PXDN: variants seen among roughly 807,000 people sequenced by gnomAD.
The protein encoded by PXDN is peroxidasin homolog.
In PXDN, 77 loss-of-function variants were observed where a neutral mutation model predicts 140.3. The ratio of observed to expected loss-of-function variants is 0.55; its 90% confidence interval spans 0.46 to 0.66. PXDN has a LOEUF of 0.66. PXDN is among the 30% of genes least tolerant of loss of function. The pLI, the probability that PXDN is intolerant of heterozygous loss-of-function variation, is 0.00. For synonymous variants in PXDN, 911 were observed against 857.4 expected (o/e 1.06, Z -1.09); for missense variants, 1,838 against 2,039.5 (o/e 0.90, Z 1.90).
intron 14 of PXDN, among the ~76,000 whole-genome samples, chr2:1,658,567 C>T (rs1683224753): frequency 6.6e-6 from 1 of 152,120 alleles, no homozygotes; most frequent in Non-Finnish European, 1.5e-5. Flanking sequence ...CCCCACTATC[C>T]TCCCCGACAC....
rs1239168327 is a variant in PXDN at position 1,743,791 on chromosome 2, G to A, written c.200+465C>T. 7.7e-4 allele frequency among the ~76,000 whole-genome samples: 113 copies of A among 146,370 alleles called. 1 individual carries two copies. Among genetic ancestry groups the A allele is most frequent in the Middle Eastern group, 3.6e-3 (1 of 278 alleles). The stretch of plus-strand genomic sequence containing the variant: ...CGGGGCGGAGGGGGCTGGGAGGACG[G>A]AGGGGGCTGCGCCGCGCTCGGGGAG... On this transcript the variant is annotated intron_variant, in intron 1 of 22. Transcript: ENST00000252804.
rs1016960039 is a variant in PXDN at position 1,701,657 on chromosome 2, G to C, written c.201-8523C>G. ...GGGGTCAGGGGTGTCCAGCTGCCTG[G>C]GTCCAGTGGTAGTGCTCATGGCTCC... On this transcript the variant is annotated intron_variant, in intron 1 of 22. Coordinates refer to ENST00000252804, the MANE Select transcript of PXDN (RefSeq NM_012293.3). Among the ~76,000 whole-genome samples, 4 of 152,148 alleles carry C rather than the reference G, an allele frequency of 2.6e-5. No homozygotes were observed. In the East Asian group the frequency reaches 7.7e-4, roughly 29 times the overall value.
rs745557192 is a variant in PXDN at position 1,648,411 on chromosome 2, C to A, written c.3369G>T (p.Gly1123=). The change falls in exon 17 of 23, where the codon GGG becomes GGT. Residue 1123 remains glycine, a synonymous_variant. Transcript: ENST00000252804. The surrounding 1 kb of genome is among the most constrained non-coding windows in gnomAD (Gnocchi z 8.9). ...AGGGCACACGCATTTTCCCCGCCAC[C>A]CCGAACAGCCCCCTGAGAAGCGGAT... ...GIDPLLRGLF[G]VAGKMRVPSQ... is the part of the protein sequence containing the mutation. The A allele has an allele frequency of 5.0e-6, 8 of 1,611,724 alleles. No homozygotes were observed. Among genetic ancestry groups the A allele is most frequent in the Non-Finnish European group, 5.9e-6 (7 of 1,179,898 alleles).
At chr2:1,674,828 C>T (rs543613827) in intron 8 of PXDN, among the ~76,000 whole-genome samples, 10 of 152,222 alleles carry the variant, frequency 6.6e-5, no homozygotes, top group African/African-American at 2.4e-4. Context: ...GAAACAGAAA[C>T]CCACTTCCTC....
chr2:1,641,229 G>A (rs1682720974), intron 19 of PXDN, among the ~76,000 whole-genome samples: 1 of 152,164 alleles, frequency 6.6e-6, no homozygotes, highest in Non-Finnish European at 1.5e-5. Context: ...TCAGCTCACT[G>A]CAACCTCTGC....
chr2:1,675,008 G>A (rs576026075), intron 8 of PXDN, among the ~76,000 whole-genome samples: 10 of 152,128 alleles, frequency 6.6e-5, no homozygotes, highest in East Asian at 5.8e-4. Context: ...GGGAACACTC[G>A]AAAGACCAAC....
intron 13 of PXDN, 148 bp downstream of exon 13, chr2:1,661,924 C>T: frequency 1.6e-6 from 1 of 640,280 alleles, no homozygotes; most frequent in Non-Finnish European, 2.7e-6. Flanking sequence ...CAGGCAGCAG[C>T]TGTCCAGCCC....
At chr2:1,710,553 C>G (rs1462221656) in intron 1 of PXDN, among the ~76,000 whole-genome samples, 3 of 150,366 alleles carry the variant, frequency 2.0e-5, no homozygotes, top group African/African-American at 7.4e-5. Context: ...TCCACCAGCA[C>G]CCACTCTCCA....
In PXDN at chr2:1,632,384, G is replaced by A. The variant is rs1259328736; in HGVS notation, c.*1820C>T. On this transcript the variant is annotated 3_prime_UTR_variant, in exon 23 of 23. Transcript: ENST00000252804. The surrounding 1 kb of genome is among the most constrained non-coding windows in gnomAD (Gnocchi z 4.3). ...CTTACATAACCATCAGCTTTTAGAC[G>A]AACTTACACATTTCCTATTTGACAG... The A allele has an allele frequency of 6.6e-6, 1 of 152,138 alleles. No homozygotes were observed. Among genetic ancestry groups the A allele is most frequent in the East Asian group, 1.9e-4 (1 of 5,202 alleles). 9.4% of individuals were successfully genotyped at this position (152,138 alleles called of 1,614,324 possible).
chr2:1,743,649 GGGGAGGAGGAGGGGAA>G (rs1326672626), intron 1 of PXDN, among the ~76,000 whole-genome samples: 24 of 146,414 alleles, frequency 1.6e-4, no homozygotes, highest in Admixed American at 8.7e-4. Flanking sequence ...GAAGGAAGGG[GGGGAGGAGGAGGGGAA>G]GGGAGGAGGA....
intron 21 of PXDN, among the ~76,000 whole-genome samples, chr2:1,637,839 G>C (rs62116574): frequency 0.9 from 129,645 of 144,112 alleles, 58,589 homozygotes; most frequent in East Asian, 1. Flanking sequence ...GAAGACCTGC[G>C]GCATGCTGTC....
At chr2:1,707,228 A>G (rs1684637546) in intron 1 of PXDN, among the ~76,000 whole-genome samples, 1 of 140,048 alleles carries the variant, frequency 7.1e-6, no homozygotes, top group Admixed American at 7.2e-5. Context: ...ACAATCTAAG[A>G]GCACGCTGCA....
In PXDN at chr2:1,649,516, A is replaced by G. The variant is rs1349670776; in HGVS notation, c.2264T>C (p.Met755Thr). The change falls in exon 17 of 23, where the codon ATG (methionine) becomes ACG (threonine). Residue 755 changes from methionine to threonine, a missense_variant. Coordinates refer to ENST00000252804, the MANE Select transcript of PXDN (RefSeq NM_012293.3). The surrounding 1 kb of genome is among the most constrained non-coding windows in gnomAD (Gnocchi z 7.1). ...GAAGGCGGTCAGCGAGGCGCCCCAC[A>G]TGGGGTGCTGCAGGTTGTTACAGGT... ...DGTCNNLQHPMWGASLTAFER... is the reference protein window; with the variant it reads ...DGTCNNLQHPTWGASLTAFER... 1.2e-6 allele frequency: 2 copies of G among 1,613,884 alleles called. No individual in the cohort carries two copies. The highest frequency in any genetic ancestry group is 2.2e-5 in the East Asian group (1 of 44,880).
chr2:1,743,707 GAGGAGGAGGAAGGGGA>G, intron 1 of PXDN, among the ~76,000 whole-genome samples: 1 of 32,270 alleles, frequency 3.1e-5, no homozygotes, highest in Non-Finnish European at 6.0e-5. Context: ...GGAAGGGGAG[GAGGAGGAGGAAGGGGA>G]GGAGGAAGAG....
chr2:1,679,156 G>C (rs1683803959), intron 7 of PXDN, among the ~76,000 whole-genome samples: 1 of 150,856 alleles, frequency 6.6e-6, no homozygotes, highest in Non-Finnish European at 1.5e-5. Context: ...GTGTGCATGT[G>C]TGTGTGGTGA....
upstream of PXDN, chr2:1,744,788 T>G (rs538459008): frequency 4.5e-6 from 1 of 221,314 alleles, no homozygotes; most frequent in Non-Finnish European, 8.8e-6. Context: ...ACGCGAAGCT[T>G]CTCCACTTCT....
chr2:1,673,074 A>AAC (rs1683613828), intron 9 of PXDN, among the ~76,000 whole-genome samples: 1 of 152,212 alleles, frequency 6.6e-6, no homozygotes, highest in Non-Finnish European at 1.5e-5. Context: ...GGCCATGGAT[A>AAC]ACACAGGTGG....
chr2:1,662,315 G>T, intron 12 of PXDN, 131 bp from the exon 13 acceptor site: 1 of 790,556 alleles, frequency 1.3e-6, no homozygotes, highest in South Asian at 1.6e-5. Flanking sequence ...TTCAGAATGG[G>T]CCCTTTCTCT....
At chr2:1,644,533 G>A in intron 18 of PXDN, 85 bp downstream of exon 18, 1 of 1,398,126 alleles carries the variant, frequency 7.2e-7, no homozygotes, top group Admixed American at 2.4e-5. Context: ...GCCTCCCTCA[G>A]TCTCAACCAG....
Sources: allele counts gnomAD v4.1 joint callset (sites outside exome capture counted in the v4.1 genomes callset), GRCh38; gene constraint gnomAD v4.1.1; non-coding constraint Gnocchi (gnomAD v3.1); transcripts MANE v1.5; gene names NCBI Gene and HGNC (gene_info 2026-07-23, HGNC 2026-07-21).